Variants in TBC1D24 observed in about 807,000 individuals in gnomAD.
TBC1D24 encodes TBC1 domain family member 24.
In TBC1D24, 47 loss-of-function variants were observed where a neutral mutation model predicts 50.7. The ratio of observed to expected loss-of-function variants is 0.93; its 90% confidence interval spans 0.73 to 1.18. The LOEUF is 1.18. TBC1D24 is among the 50% of genes most tolerant of loss of function. TBC1D24 has a pLI of 0.00. For missense variants in TBC1D24, 688 were observed against 766.5 expected (o/e 0.90, Z 1.21); for synonymous variants, 324 against 335.2 (o/e 0.97, Z 0.36).
rs2065558079 is a variant in TBC1D24 at position 2,475,406 on chromosome 16, C to T, written c.-116+236C>T. 6.6e-6 allele frequency among the ~76,000 whole-genome samples: 1 copy of T among 151,890 alleles called. No homozygotes were observed. Among genetic ancestry groups the T allele is most frequent in the Admixed American group, 6.5e-5 (1 of 15,270 alleles). ...GGGAGGGGGCGCAGGAGCGGGACCC[C>T]CTGGGCGCGAGGCCCGATCCCCGCC... On this transcript the variant is annotated intron_variant, in intron 1 of 7. Coordinates refer to ENST00000646147, the MANE Select transcript of TBC1D24 (RefSeq NM_001199107.2). This position sits in a 1 kb window ranked among gnomAD's most constrained non-coding sequence, Gnocchi z 4.2.
chr16:2,485,728 G>A lies in TBC1D24; in HGVS notation c.-115-10306G>A, dbSNP rs147906733. On this transcript the variant is annotated intron_variant, in intron 1 of 7. Transcript: ENST00000646147. The surrounding 1 kb of genome is among the most constrained non-coding windows in gnomAD (Gnocchi z 4.6). ...TTGAATTGGAGGACACCCTGCGGGC[G>A]CCCGCTGCAGAATGGATTGCTTGCT... Among the ~76,000 whole-genome samples, 32 of 152,328 alleles carry A rather than the reference G, an allele frequency of 2.1e-4. No homozygotes were observed. The highest frequency in any genetic ancestry group is 6.5e-4 in the African/African-American group (27 of 41,578).
intron 1 of TBC1D24, chr16:2,476,983 A>G (rs1430112026): frequency 2.0e-5 from 3 of 152,214 alleles, no homozygotes; most frequent in African/African-American, 7.2e-5. Context: ...AACATATTAA[A>G]TGTTTGCCTT....
chr16:2,489,395 G>A (rs561529133), intron 1 of TBC1D24, among the ~76,000 whole-genome samples: 3 of 152,296 alleles, frequency 2.0e-5, no homozygotes, highest in African/African-American at 7.2e-5. Context: ...TCGCGCCACT[G>A]CACTCCAGCT....
At chr16:2,489,306 T>C (rs775832681) in intron 1 of TBC1D24, among the ~76,000 whole-genome samples, 150 of 140,784 alleles carry the variant, frequency 1.1e-3, no homozygotes, top group Non-Finnish European at 2.0e-3. Flanking sequence ...GTGGTGGGCG[T>C]CTGTAGTCCC....
At chr16:2,497,654 CTCTT>C (rs2065755155) in intron 2 of TBC1D24, 52 bp from the exon 3 acceptor site, 1 of 1,521,614 alleles carries the variant, frequency 6.6e-7, no homozygotes, top group African/African-American at 1.4e-5. Context: ...ACACTAACCT[CTCTT>C]TGTCTGTTTT....
chr16:2,500,977 CTG>C lies in TBC1D24; in HGVS notation c.*20_*21del, dbSNP rs776867523. On this transcript the variant is annotated 3_prime_UTR_variant, in exon 8 of 8. Transcript: ENST00000646147. The surrounding 1 kb of genome is among the most constrained non-coding windows in gnomAD (Gnocchi z 8.0). ...CCAGTGACGGCCTGTGCCACGGTGA[CTG>C]AGCCGTGGTGGGGCGGTGGGCCGAG... The C allele has an allele frequency of 6.2e-6, 10 of 1,607,370 alleles. No homozygotes were observed. In the South Asian group the frequency reaches 1.1e-4, roughly 18 times the overall value.
intron 1 of TBC1D24, among the ~76,000 whole-genome samples, chr16:2,493,170 G>A (rs1035497359): frequency 1.9e-4 from 29 of 151,806 alleles, no homozygotes; most frequent in Non-Finnish European, 3.5e-4. Flanking sequence ...ACAGAGTCTT[G>A]CTCTGTCGCC....
rs139157603 is a variant in TBC1D24, at chr16:2,490,200, T to A, written c.-115-5834T>A. On this transcript the variant is annotated intron_variant, in intron 1 of 7. Transcript: ENST00000646147. ...TGTCTGTGTCTGTAATTCTTGTGAGTCTCGTGGGTGTCAGGTGGAATTTTT... is the reference window on the plus strand; with the variant it reads ...TGTCTGTGTCTGTAATTCTTGTGAGACTCGTGGGTGTCAGGTGGAATTTTT... 4.3e-4 allele frequency among the ~76,000 whole-genome samples: 65 copies of A among 152,248 alleles called. No individual in the cohort carries two copies. The East Asian group carries it at 0.01, about 24-fold the overall frequency.
At chr16:2,495,765 TGAG>T (rs951148557) in intron 1 of TBC1D24, among the ~76,000 whole-genome samples, 9 of 151,006 alleles carry the variant, frequency 6.0e-5, no homozygotes, top group South Asian at 2.1e-4. Flanking sequence ...GGCGACAGGG[TGAG>T]ACTCCATCTC....
At position 2,496,678 on chromosome 16, in the gene TBC1D24, A is replaced by C; in HGVS notation, c.530A>C (p.Glu177Ala). Residue 177 changes from glutamate (E) to alanine (A), a missense_variant, in exon 2 of 8, where the codon GAG becomes GCG. Physicochemically the swap from Glu to Ala is moderately radical, Grantham distance 107. Transcript: ENST00000646147. ...ATCGACCAGAGCTTCCTGGCCTTTGAGTCGTCCTGCATGACGTTTGGGGAC... is the reference window on the plus strand; with the variant it reads ...ATCGACCAGAGCTTCCTGGCCTTTGCGTCGTCCTGCATGACGTTTGGGGAC... ...RLIDQSFLAF[E>A]SSCMTFGDLV... is the part of the protein sequence containing the mutation. The C allele has an allele frequency of 6.2e-7, 1 of 1,613,270 alleles. No individual in the cohort carries two copies. Among genetic ancestry groups the C allele is most frequent in the East Asian group, 2.2e-5 (1 of 44,884 alleles).
chr16:2,498,254 G>A lies in TBC1D24; in HGVS notation c.1000G>A (p.Ala334Thr). ...SLSKRQFVHLAVHAENFRSEI... is the reference protein window; with the variant it reads ...SLSKRQFVHLTVHAENFRSEI... ...TCCCCTCAGGCAGTTTGTACACTTG[G>A]CCGTCCATGCAGAGAACTTCCGCTC... The change falls in exon 4 of 8, where the codon GCC becomes ACC. Residue 334 changes from alanine to threonine, a missense_variant. Coordinates refer to ENST00000646147, the MANE Select transcript of TBC1D24 (RefSeq NM_001199107.2). The A allele has an allele frequency of 1.9e-6, 3 of 1,610,040 alleles. No homozygotes were observed. Among genetic ancestry groups the A allele is most frequent in the Non-Finnish European group, 1.7e-6 (2 of 1,178,144 alleles).
At chr16:2,480,611 T>C (rs2065603585) in intron 1 of TBC1D24, 1 of 152,014 alleles carries the variant, frequency 6.6e-6, no homozygotes, top group African/African-American at 2.4e-5. Flanking sequence ...GTAAAAGCCC[T>C]TCCACTCACT....
chr16:2,484,788 T>C (rs2065636503), intron 1 of TBC1D24: 1 of 152,266 alleles, frequency 6.6e-6, no homozygotes, highest in African/African-American at 2.4e-5. Flanking sequence ...CTGGGATTTA[T>C]TTGTGTCTCT....
At position 2,485,323 on chromosome 16, in the gene TBC1D24, G is replaced by C. The variant is rs2065640823; in HGVS notation, c.-116+10153G>C. 1 of 152,098 alleles carries C rather than the reference G, an allele frequency of 6.6e-6. No individual in the cohort carries two copies. The highest frequency in any genetic ancestry group is 1.5e-5 in the Non-Finnish European group (1 of 68,034). 9.4% of individuals were successfully genotyped at this position (152,098 alleles called of 1,614,324 possible). On this transcript the variant is annotated intron_variant, in intron 1 of 7. Transcript: ENST00000646147. The surrounding 1 kb of genome is among the most constrained non-coding windows in gnomAD (Gnocchi z 4.6). The stretch of plus-strand genomic sequence containing the variant: ...GTGGAAGGTCAAGTTGATTGCCAGT[G>C]GGGTAATCAGTTATGCCTACTTAAC...
rs2065656784 is a variant in TBC1D24 at position 2,487,135 on chromosome 16, C to G, written c.-115-8899C>G. 6.6e-6 allele frequency among the ~76,000 whole-genome samples: 1 copy of G among 152,272 alleles called. No individual in the cohort carries two copies. The highest frequency in any genetic ancestry group is 2.4e-5 in the African/African-American group (1 of 41,480). On this transcript the variant is annotated intron_variant, in intron 1 of 7. Coordinates refer to ENST00000646147, the MANE Select transcript of TBC1D24 (RefSeq NM_001199107.2). This position sits in a 1 kb window ranked among gnomAD's most constrained non-coding sequence, Gnocchi z 4.1. ...GCCGCCCAGCTCGCCTTCGCCCACT[C>G]TTGCCTCCACATCTGAGGGGCACCG... is the stretch of plus-strand genomic sequence containing the variant.
chr16:2,478,987 G>A (rs1216157292), intron 1 of TBC1D24: 1 of 151,912 alleles, frequency 6.6e-6, no homozygotes, highest in Non-Finnish European at 1.5e-5. Context: ...CGACCTCTCG[G>A]ACTCAAGCAG....
At chr16:2,493,290 A>C (rs1278804915) in intron 1 of TBC1D24, among the ~76,000 whole-genome samples, 1 of 151,448 alleles carries the variant, frequency 6.6e-6, no homozygotes. Flanking sequence ...AGGCTCCCGC[A>C]ACCACGCCCG....
At chr16:2,488,661 G>A (rs371373395) in intron 1 of TBC1D24, among the ~76,000 whole-genome samples, 6 of 150,624 alleles carry the variant, frequency 4.0e-5, no homozygotes, top group Admixed American at 1.3e-4. Flanking sequence ...ACAGGCGCCC[G>A]CCACCACACC....
chr16:2,500,920 G>A lies in TBC1D24; in HGVS notation c.1642G>A (p.Val548Met), dbSNP rs201649140. ...LCSENFLIAA[V>M]EAWGFQDPDT... ...CTCCGAGAACTTCCTCATTGCTGCC[G>A]TGGAGGCCTGGGGCTTCCAGGACCC... Residue 548 changes from valine (V) to methionine (M), a missense_variant, in exon 8 of 8, where the codon GTG becomes ATG. Transcript: ENST00000646147. This position sits in a 1 kb window ranked among gnomAD's most constrained non-coding sequence, Gnocchi z 8.0. 1.0e-4 allele frequency: 169 copies of A among 1,612,592 alleles called. 1 individual carries two copies. In the Admixed American group the frequency reaches 2.7e-3, roughly 26 times the overall value.
Sources: gnomAD v4.1 joint callset for allele counts (sites outside exome capture counted in the v4.1 genomes callset) on GRCh38, gnomAD v4.1.1 for gene constraint, Gnocchi (gnomAD v3.1) non-coding constraint, MANE v1.5 for transcripts, NCBI Gene and HGNC (gene_info 2026-07-23, HGNC 2026-07-21) for gene names.